KIFAP3: variants seen among roughly 807,000 people sequenced by gnomAD.
The protein encoded by KIFAP3 is kinesin-associated protein 3.
KIFAP3 carries 68 observed loss-of-function variants against 106.5 expected under a neutral mutation model. The observed-to-expected ratio is 0.64, with a 90% confidence interval of 0.53 to 0.78. The LOEUF is 0.78. Ranked by LOEUF, KIFAP3 falls within the 30% of genes least tolerant of loss-of-function variation. The pLI is 0.00. For synonymous variants in KIFAP3, 320 were observed against 311.5 expected, an observed-to-expected ratio of 1.03 and a Z score of -0.29; for missense variants, 780 against 941.8, an observed-to-expected ratio of 0.83 and a Z score of 2.25.
intron 17 of KIFAP3, among the ~76,000 whole-genome samples, chr1:169,970,493 T>TA (rs1264668726): frequency 6.6e-6 from 1 of 152,112 alleles, no homozygotes; most frequent in Admixed American, 6.6e-5. Context: ...TCAAGGCATC[T>TA]AATTTTTCTT....
chr1:169,922,295 A>G (rs1662872140), intron 19 of KIFAP3, among the ~76,000 whole-genome samples: 2 of 152,228 alleles, frequency 1.3e-5, no homozygotes. Context: ...TAAGCCTATG[A>G]TTAAAAGAAC....
At position 170,007,799 on chromosome 1, in the gene KIFAP3, C is replaced by T. The variant is rs564933349; in HGVS notation, c.1183+8663G>A. 5.3e-5 allele frequency among the ~76,000 whole-genome samples: 8 copies of T among 152,140 alleles called. No individual in the cohort carries two copies. The South Asian group carries it at 1.7e-3, about 32-fold the overall frequency. ...ATTTCATATGGAACCAAAAAAGAGC[C>T]CATATAGCCAAGACAATCCTAAGCA... On this transcript the variant is annotated intron_variant, in intron 10 of 19. Transcript: ENST00000361580.
chr1:169,954,044 C>G lies in KIFAP3; in HGVS notation c.2240G>C (p.Gly747Ala), dbSNP rs1664876671. The change falls in exon 19 of 20, where the codon GGA (glycine) becomes GCA (alanine). Residue 747 changes from glycine (G) to alanine (A), a missense_variant. Gly to Ala is a moderately conservative substitution (Grantham distance 60). Transcript: ENST00000361580. Reference protein sequence around the residue: ...DFFNDYHLQNGDVVGQHSFPG... With the variant: ...DFFNDYHLQNADVVGQHSFPG... ...AAATGAATGCTGCCCAACAACATCT[C>G]CATTTTGAAGGTGGTAATCATTGAA... The G allele has an allele frequency of 6.8e-6, 11 of 1,613,508 alleles. No individual in the cohort carries two copies. The highest frequency in any genetic ancestry group is 9.3e-6 in the Non-Finnish European group (11 of 1,179,592).
intron 10 of KIFAP3, among the ~76,000 whole-genome samples, chr1:169,998,953 C>T (rs1009893204): frequency 2.0e-5 from 3 of 152,194 alleles, no homozygotes; most frequent in East Asian, 1.9e-4. Context: ...AAATTGAGTA[C>T]GTGGAGGGGG....
At chr1:170,026,484 G>A (rs764622443) in intron 8 of KIFAP3, among the ~76,000 whole-genome samples, 2 of 152,196 alleles carry the variant, frequency 1.3e-5, no homozygotes, top group African/African-American at 2.4e-5. Flanking sequence ...TGCCTTGAGA[G>A]TTTCCAGGTC....
chr1:169,961,646 CCT>C (rs1322639943), intron 17 of KIFAP3, among the ~76,000 whole-genome samples: 4 of 152,062 alleles, frequency 2.6e-5, no homozygotes, highest in African/African-American at 4.8e-5. Flanking sequence ...CTCTGCCACC[CCT>C]GAGACAGCAA....
chr1:169,997,651 A>ACCT (rs1667431756), intron 10 of KIFAP3, among the ~76,000 whole-genome samples: 1 of 151,984 alleles, frequency 6.6e-6, no homozygotes, highest in Admixed American at 6.6e-5. Flanking sequence ...CATGTGGATT[A>ACCT]CCTGAGGTCA....
chr1:170,074,694 C>G lies in KIFAP3; in HGVS notation c.-227G>C. ...GCGGCCCAGACCCGCCCAGAGTCGCCTAAGCCGGGCCGTCACGACGCATGC... is the reference window on the plus strand; with the variant it reads ...GCGGCCCAGACCCGCCCAGAGTCGCGTAAGCCGGGCCGTCACGACGCATGC... On this transcript the variant is annotated 5_prime_UTR_variant, in exon 1 of 20. Coordinates refer to ENST00000361580, the MANE Select transcript of KIFAP3 (RefSeq NM_014970.4). The G allele has an allele frequency of 7.1e-7, 1 of 1,409,082 alleles. No individual in the cohort carries two copies. Among genetic ancestry groups the G allele is most frequent in the East Asian group, 2.6e-5 (1 of 38,396 alleles). The allele number at this position is 1,409,082 out of a possible 1,614,324, so 87.3% of individuals were successfully genotyped here.
chr1:169,988,804 AG>A (rs1472256702), intron 11 of KIFAP3, among the ~76,000 whole-genome samples: 1 of 152,004 alleles, frequency 6.6e-6, no homozygotes, highest in East Asian at 1.9e-4. Flanking sequence ...ATAAGTTAAA[AG>A]TTATAGGCTG....
intron 12 of KIFAP3, 29 bp from the exon 13 acceptor site, chr1:169,983,411 TA>T (rs754749489): frequency 6.9e-7 from 1 of 1,444,010 alleles, no homozygotes; most frequent in African/African-American, 1.4e-5. Context: ...CCAATAAAAT[TA>T]AGGTTAGCTT....
intron 7 of KIFAP3, 136 bp downstream of exon 7, chr1:170,034,236 A>G (rs1369026923): frequency 5.4e-6 from 4 of 745,260 alleles, no homozygotes; most frequent in Middle Eastern, 4.9e-4. Context: ...TTAACCTTCA[A>G]TAACACACTC....
At chr1:169,974,204 G>T (rs1666096269) in intron 16 of KIFAP3, among the ~76,000 whole-genome samples, 1 of 151,858 alleles carries the variant, frequency 6.6e-6, no homozygotes, top group Non-Finnish European at 1.5e-5. Flanking sequence ...AATTAATAAA[G>T]AAACCTTGGT....
intron 1 of KIFAP3, among the ~76,000 whole-genome samples, chr1:170,059,480 A>C (rs895912028): frequency 1.3e-5 from 2 of 152,212 alleles, no homozygotes; most frequent in African/African-American, 4.8e-5. Context: ...TGAATCCCTG[A>C]ACAGACCAAT....
intron 19 of KIFAP3, among the ~76,000 whole-genome samples, chr1:169,948,915 C>T (rs886231678): frequency 2.6e-5 from 4 of 151,812 alleles, no homozygotes; most frequent in Non-Finnish European, 5.9e-5. Flanking sequence ...TTTGAGGTTG[C>T]TTTCTCAAGG....
rs374252261 is a variant in KIFAP3, at chr1:169,983,278, G to A, written c.1498C>T (p.Leu500=). The change falls in exon 13 of 20, where the codon CTG becomes TTG. Residue 500 remains leucine (L), a synonymous_variant. Coordinates refer to ENST00000361580, the MANE Select transcript of KIFAP3 (RefSeq NM_014970.4). ...GCCAAAATGATACTTACAATAAACA[G>A]ATTTTTAGTTGGTCCATCATGCTGA... The part of the protein sequence containing the change: ...ISQHDGPTKN[L]FIDYVGDLAA... The A allele has an allele frequency of 2.1e-4, 339 of 1,589,920 alleles. No individual in the cohort carries two copies. Among genetic ancestry groups the A allele is most frequent in the Non-Finnish European group, 2.8e-4 (322 of 1,164,258 alleles).
chr1:170,049,560 G>A (rs745322544), intron 2 of KIFAP3, among the ~76,000 whole-genome samples: 1 of 152,200 alleles, frequency 6.6e-6, no homozygotes, highest in African/African-American at 2.4e-5. Flanking sequence ...CCCAACAGGG[G>A]TTGATAGACA....
intron 10 of KIFAP3, among the ~76,000 whole-genome samples, chr1:170,013,039 G>A (rs549300161): frequency 6.6e-6 from 1 of 152,168 alleles, no homozygotes; most frequent in Non-Finnish European, 1.5e-5. Context: ...AGTGCCTTTA[G>A]AAAAGACACC....
At chr1:170,058,687 A>AT (rs959258046) in intron 1 of KIFAP3, among the ~76,000 whole-genome samples, 13 of 151,600 alleles carry the variant, frequency 8.6e-5, no homozygotes, top group Non-Finnish European at 1.2e-4. Flanking sequence ...CCTCCATAAC[A>AT]TTTTTTTTTA....
chr1:169,951,008 T>TA (rs66584019), intron 19 of KIFAP3, among the ~76,000 whole-genome samples: 128,649 of 151,936 alleles, frequency 0.85, 54,562 homozygotes, highest in African/African-American at 0.87. Context: ...AGGAGAATCT[T>TA]ACCCACCACA....
Sources: gnomAD v4.1 joint callset for allele counts (sites outside exome capture counted in the v4.1 genomes callset) on GRCh38, gnomAD v4.1.1 for gene constraint, MANE v1.5 for transcripts, NCBI Gene and HGNC (gene_info 2026-07-23, HGNC 2026-07-21) for gene names.